Variants in SCX observed in about 807,000 individuals in gnomAD.
SCX encodes the protein basic helix-loop-helix transcription factor scleraxis.
A neutral mutation model predicts 12.2 loss-of-function variants in SCX; 7 were observed. The ratio of observed to expected loss-of-function variants is 0.57; its 90% CI spans 0.33 to 1.08. The LOEUF is 1.08. SCX is among the 50% of genes least tolerant of loss of function. The pLI is 0.04. For missense variants in SCX, 342 were observed against 337.2 expected (o/e 1.01, Z -0.11); for synonymous variants, 193 against 163.9 (o/e 1.18, Z -1.36).
In SCX at chr8:144,266,657, T is replaced by C; in HGVS notation, c.44T>C (p.Leu15Pro). Residue 15 changes from leucine to proline, a missense_variant, in exon 1 of 2, where the codon CTG becomes CCG. Coordinates refer to ENST00000567180, the MANE Select transcript of SCX (RefSeq NM_001080514.3). ...TLRPAPPGRY[L>P]YPEVSPLSED... Reference sequence around the variant, plus strand: ...CGCCCGGCGCCGCCGGGCCGCTACCTGTACCCCGAGGTGAGCCCGCTGTCG... The same window carrying C: ...CGCCCGGCGCCGCCGGGCCGCTACCCGTACCCCGAGGTGAGCCCGCTGTCG... 9.5e-6 allele frequency: 12 copies of C among 1,257,952 alleles called. No homozygotes were observed. The highest frequency in any genetic ancestry group is 1.2e-5 in the Non-Finnish European group (12 of 982,226). 77.9% of individuals were successfully genotyped at this position (1,257,952 alleles called of 1,614,324 possible).
rs1845370539 is a variant in SCX at position 144,266,548 on chromosome 8, G to A, written c.-66G>A. On this transcript the variant is annotated 5_prime_UTR_variant, in exon 1 of 2. Transcript: ENST00000567180. ...TCGCCCCGGCCGGCCCGCGAGGCCC[G>A]CGGCGGCCGCAGGAGGCGGCATGAG... 6.0e-6 allele frequency: 6 copies of A among 997,628 alleles called. No individual in the cohort carries two copies. Among genetic ancestry groups the A allele is most frequent in the Non-Finnish European group, 7.1e-6 (6 of 839,494 alleles). 61.8% of individuals were successfully genotyped at this position (997,628 alleles called of 1,614,324 possible).
chr8:144,266,759 T>C lies in SCX; in HGVS notation c.146T>C (p.Leu49Pro). ...PCRVHAARCGLQGARRRAGGR... is the reference protein window; with the variant it reads ...PCRVHAARCGPQGARRRAGGR... ...CGCGTGCACGCGGCGCGCTGCGGCC[T>C]CCAGGGCGCCCGGCGGAGGGCGGGG... is the stretch of plus-strand genomic sequence containing the variant. Residue 49 changes from leucine to proline, a missense_variant, in exon 1 of 2, where the codon CTC becomes CCC. Physicochemically the swap from Leu to Pro is moderately conservative, Grantham distance 98. Around this residue, in one of 3 missense-constraint regions of SCX, gnomAD observed 139 missense variants for 107.8 expected, o/e 1.29. Transcript: ENST00000567180. The C allele has an allele frequency of 9.5e-7, 1 of 1,051,578 alleles. No homozygotes were observed. Among genetic ancestry groups the C allele is most frequent in the Non-Finnish European group, 1.1e-6 (1 of 872,828 alleles). The allele number at this position is 1,051,578 out of a possible 1,614,324, so 65.1% of individuals were successfully genotyped here. A position where few individuals can be genotyped will look rare whatever the true frequency, so the allele number is the denominator to read the frequency against.
At chr8:144,267,205 A>AG (rs1183281931) in intron 1 of SCX, 25 bp downstream of exon 1, 21 of 1,490,234 alleles carry the variant, frequency 1.4e-5, no homozygotes, top group Middle Eastern at 3.9e-4. Context: ...TGGGGCGCCG[A>AG]GGGGGGCCTC....
chr8:144,266,891 C>G lies in SCX; in HGVS notation c.278C>G (p.Thr93Arg). The stretch of plus-strand genomic sequence containing the variant: ...CGAGACCGCACCAACAGCGTGAACA[C>G]GGCCTTCACGGCGCTGCGCACGCTG... Reference protein sequence around the residue: ...RERDRTNSVNTAFTALRTLIP... With the variant: ...RERDRTNSVNRAFTALRTLIP... Residue 93 changes from threonine (T) to arginine (R), a missense_variant, in exon 1 of 2, where the codon ACG (threonine) becomes AGG (arginine). By Grantham distance (71) the Thr-to-Arg change is moderately conservative (BLOSUM62 -1). This residue lies in a region of SCX where 42 missense variants were observed against 73.7 expected (regional missense o/e 0.57). Coordinates refer to ENST00000567180, the MANE Select transcript of SCX (RefSeq NM_001080514.3). 1 of 1,515,796 alleles carries G rather than the reference C, an allele frequency of 6.6e-7. No homozygotes were observed. Among genetic ancestry groups the G allele is most frequent in the Non-Finnish European group, 8.8e-7 (1 of 1,136,238 alleles). 93.9% of individuals were successfully genotyped at this position (1,515,796 alleles called of 1,614,324 possible).
rs1039959260 is a variant in SCX at position 144,268,301 on chromosome 8, G to A, written c.*159G>A. ...TGCGAGCGGGGCCGAGGGACAGACG[G>A]ACGTACAGACAGGCGCCGGCAGCGG... On this transcript the variant is annotated 3_prime_UTR_variant, in exon 2 of 2. Coordinates refer to ENST00000567180, the MANE Select transcript of SCX (RefSeq NM_001080514.3). 1 of 1,067,646 alleles carries A rather than the reference G, an allele frequency of 9.4e-7. No individual in the cohort carries two copies. The allele number at this position is 1,067,646 out of a possible 1,614,324, so 66.1% of individuals were successfully genotyped here. A position where few individuals can be genotyped will look rare whatever the true frequency, so the allele number is the denominator to read the frequency against.
rs1051073063 is a variant in SCX, at chr8:144,268,114, G to A, written c.578G>A (p.Arg193His). 67 of 1,551,410 alleles carry A rather than the reference G, an allele frequency of 4.3e-5. No individual in the cohort carries two copies. The East Asian group carries it at 1.2e-3, about 27-fold the overall frequency. The change falls in exon 2 of 2, where the codon CGC becomes CAC. Residue 193 changes from arginine to histidine, a missense_variant. Physicochemically the swap from Arg to His is conservative, Grantham distance 29. This residue lies in a region of SCX where 161 missense variants were observed against 155.7 expected (regional missense o/e 1.03). Transcript: ENST00000567180. ...CCCTCCCCTCTGCAGAGCAAGGACC[G>A]CGACAGAAAGACAGCGATTCGCAGT... ...LSNQRKLSKD[R>H]DRKTAIRS
rs1407742883 is a variant in SCX at position 144,267,188 on chromosome 8, C to CG, written c.567+11dup. ...AGCAACCAGAGAAAGTTGGTGAGCA[C>CG]GGGCCGTGGGGCGCCGAGGGGGGCC... On this transcript the variant is annotated intron_variant, in intron 1 of 1. Transcript: ENST00000567180. The CG allele has an allele frequency of 5.2e-5, 79 of 1,518,174 alleles. No homozygotes were observed. The highest frequency in any genetic ancestry group is 6.4e-5 in the Non-Finnish European group (73 of 1,144,284). The allele number at this position is 1,518,174 out of a possible 1,614,324, so 94.0% of individuals were successfully genotyped here.
intron 1 of SCX, among the ~76,000 whole-genome samples, 183 bp from the exon 2 acceptor site, chr8:144,267,921 T>A (rs1333166056): frequency 6.6e-6 from 1 of 152,160 alleles, no homozygotes; most frequent in East Asian, 1.9e-4. Flanking sequence ...AAATTTAATT[T>A]TACAATTTCG....
At position 144,266,796 on chromosome 8, in the gene SCX, CG is replaced by C; in HGVS notation, c.188del (p.Gly63AlafsTer29). ...GGCGGAGGGCGGGGGGCCGGCGGGC[CG>C]GGGGCGGGGGGCCAGGGGGCCGGCC... ...ARRRAGGRRA[G>X]GGGPGGRPGR... On this transcript the variant is annotated frameshift_variant, in exon 1 of 2. Transcript: ENST00000567180. LOFTEE classifies it high-confidence loss of function. The C allele has an allele frequency of 9.1e-7, 1 of 1,103,928 alleles. No homozygotes were observed. Among genetic ancestry groups the C allele is most frequent in the Non-Finnish European group, 1.1e-6 (1 of 902,162 alleles). 68.4% of individuals were successfully genotyped at this position (1,103,928 alleles called of 1,614,324 possible).
chr8:144,268,315 C>A lies in SCX; in HGVS notation c.*173C>A. On this transcript the variant is annotated 3_prime_UTR_variant, in exon 2 of 2. Coordinates refer to ENST00000567180, the MANE Select transcript of SCX (RefSeq NM_001080514.3). ...AGGGACAGACGGACGTACAGACAGG[C>A]GCCGGCAGCGGGACTCTGCGCTGGC... 1 of 918,302 alleles carries A rather than the reference C, an allele frequency of 1.1e-6. No individual in the cohort carries two copies. The highest frequency in any genetic ancestry group is 1.6e-6 in the Non-Finnish European group (1 of 617,976). The allele number at this position is 918,302 out of a possible 1,614,324, so 56.9% of individuals were successfully genotyped here.
At position 144,268,437 on chromosome 8, in the gene SCX, G is replaced by A; in HGVS notation, c.*295G>A. 3.6e-6 allele frequency: 2 copies of A among 557,144 alleles called. No individual in the cohort carries two copies. The allele number at this position is 557,144 out of a possible 1,614,324, so 34.5% of individuals were successfully genotyped here. On this transcript the variant is annotated 3_prime_UTR_variant, in exon 2 of 2. Coordinates refer to ENST00000567180, the MANE Select transcript of SCX (RefSeq NM_001080514.3). ...TGTGTTTTTGATATGATAATATAAA[G>A]TCTGAAAATTTTGTATAATTAAAAA...
In SCX at chr8:144,266,880, C is replaced by T; in HGVS notation, c.267C>T (p.Asn89=). ...ACGCGCGCGAGCGAGACCGCACCAA[C>T]AGCGTGAACACGGCCTTCACGGCGC... is the stretch of plus-strand genomic sequence containing the variant. The part of the protein sequence containing the change: ...TANARERDRT[N]SVNTAFTALR... Residue 89 remains asparagine (N), a synonymous_variant, in exon 1 of 2, where the codon AAC becomes AAT. Coordinates refer to ENST00000567180, the MANE Select transcript of SCX (RefSeq NM_001080514.3). The T allele has an allele frequency of 1.3e-6, 2 of 1,501,772 alleles. No homozygotes were observed. The highest frequency in any genetic ancestry group is 1.8e-6 in the Non-Finnish European group (2 of 1,128,602). 93.0% of individuals were successfully genotyped at this position (1,501,772 alleles called of 1,614,324 possible). A position where few individuals can be genotyped will look rare whatever the true frequency, so the allele number is the denominator to read the frequency against.
Position 144,266,682 on chromosome 8 carries a change from G to A in SCX, c.69G>A (p.Ser23=), listed in dbSNP as rs1337161106. 1.1e-5 allele frequency: 14 copies of A among 1,253,616 alleles called. No homozygotes were observed. The highest frequency in any genetic ancestry group is 1.5e-5 in the South Asian group (1 of 68,632). The allele number at this position is 1,253,616 out of a possible 1,614,324, so 77.7% of individuals were successfully genotyped here. The part of the protein sequence containing the change: ...RYLYPEVSPL[S]EDEDRGSDSS... ...TGTACCCCGAGGTGAGCCCGCTGTC[G>A]GAGGACGAGGACCGCGGCAGCGACA... is the stretch of plus-strand genomic sequence containing the variant. The change falls in exon 1 of 2, where the codon TCG becomes TCA. Residue 23 remains serine, a synonymous_variant. Coordinates refer to ENST00000567180, the MANE Select transcript of SCX (RefSeq NM_001080514.3).
Position 144,266,903 on chromosome 8 carries a change from C to A in SCX, c.290C>A (p.Ala97Glu), listed in dbSNP as rs1564596187. 1 of 1,537,248 alleles carries A rather than the reference C, an allele frequency of 6.5e-7. No individual in the cohort carries two copies. Residue 97 changes from alanine (A) to glutamate (E), a missense_variant, in exon 1 of 2, where the codon GCG becomes GAG. Ala to Glu is a moderately radical substitution (Grantham distance 107, BLOSUM62 -1). This residue lies in a region of SCX where 42 missense variants were observed against 73.7 expected (regional missense o/e 0.57). Coordinates refer to ENST00000567180, the MANE Select transcript of SCX (RefSeq NM_001080514.3). ...RTNSVNTAFT[A>E]LRTLIPTEPA... ...AACAGCGTGAACACGGCCTTCACGG[C>A]GCTGCGCACGCTGATCCCCACCGAG...
At chr8:144,267,884 C>A (rs991293628) in intron 1 of SCX, among the ~76,000 whole-genome samples, 248 of 152,342 alleles carry the variant, frequency 1.6e-3, no homozygotes, top group African/African-American at 5.1e-3. Flanking sequence ...ACAGCACGCG[C>A]GAGCTCCTGG....
At position 144,266,926 on chromosome 8, in the gene SCX, G is replaced by A; in HGVS notation, c.313G>A (p.Glu105Lys). The A allele has an allele frequency of 1.9e-6, 3 of 1,556,044 alleles. No homozygotes were observed. The highest frequency in any genetic ancestry group is 1.7e-6 in the Non-Finnish European group (2 of 1,157,228). Residue 105 changes from glutamate to lysine, a missense_variant, in exon 1 of 2, where the codon GAG becomes AAG. By Grantham distance (56) the Glu-to-Lys change is moderately conservative. This residue lies in a region of SCX where 42 missense variants were observed against 73.7 expected (regional missense o/e 0.57). Transcript: ENST00000567180. Reference protein sequence around the residue: ...FTALRTLIPTEPADRKLSKIE... With the variant: ...FTALRTLIPTKPADRKLSKIE... The stretch of plus-strand genomic sequence containing the variant: ...GGCGCTGCGCACGCTGATCCCCACC[G>A]AGCCCGCCGACCGCAAGCTCTCCAA...
rs1845392289 is a variant in SCX at position 144,267,153 on chromosome 8, C to G, written c.540C>G (p.Thr180=). ...ACACCCAGCCCAAACAGATCTGCAC[C>G]TTCTGCCTCAGCAACCAGAGAAAGT... is the stretch of plus-strand genomic sequence containing the variant. ...GENTQPKQIC[T]FCLSNQRKLS... The change falls in exon 1 of 2, where the codon ACC becomes ACG. Residue 180 remains threonine, a synonymous_variant. Transcript: ENST00000567180. The G allele has an allele frequency of 6.5e-7, 1 of 1,532,442 alleles. No homozygotes were observed. The highest frequency in any genetic ancestry group is 8.7e-7 in the Non-Finnish European group (1 of 1,150,610). 94.9% of individuals were successfully genotyped at this position (1,532,442 alleles called of 1,614,324 possible).
At position 144,267,214 on chromosome 8, in the gene SCX, T is replaced by C; in HGVS notation, c.567+34T>C. Reference sequence around the variant, plus strand: ...GGGCCGTGGGGCGCCGAGGGGGGCCTCCAACGCGCCCCTCAGCCCACACCT... The same window carrying C: ...GGGCCGTGGGGCGCCGAGGGGGGCCCCCAACGCGCCCCTCAGCCCACACCT... On this transcript the variant is annotated intron_variant, in intron 1 of 1. Coordinates refer to ENST00000567180, the MANE Select transcript of SCX (RefSeq NM_001080514.3). The C allele has an allele frequency of 2.7e-6, 4 of 1,484,904 alleles. No homozygotes were observed. In the South Asian group the frequency reaches 3.9e-5, roughly 15 times the overall value. 92.0% of individuals were successfully genotyped at this position (1,484,904 alleles called of 1,614,324 possible).
intron 1 of SCX, 31 bp from the exon 2 acceptor site, chr8:144,268,073 G>A (rs947174777): frequency 1.0e-5 from 16 of 1,549,742 alleles, no homozygotes; most frequent in Admixed American, 7.8e-5. Flanking sequence ...GGGCTCTGCC[G>A]GGGCCTGACA....
Sources: allele counts gnomAD v4.1 joint callset (sites outside exome capture counted in the v4.1 genomes callset), GRCh38; gene constraint gnomAD v4.1.1; regional missense constraint gnomAD v4.1.1; transcripts MANE v1.5; gene names NCBI Gene and HGNC (gene_info 2026-07-23, HGNC 2026-07-21).